Variants in TMPRSS6 observed in about 807,000 individuals in gnomAD.
The protein encoded by TMPRSS6 is transmembrane protease serine 6.
A neutral mutation model predicts 101.5 loss-of-function variants in TMPRSS6; 67 were observed. The observed-to-expected ratio is 0.66, with a 90% CI of 0.54 to 0.81. The LOEUF (loss-of-function observed/expected upper bound fraction) is 0.81. Ranked by LOEUF, TMPRSS6 falls within the 30% of genes least tolerant of loss-of-function variation. The pLI, the probability that TMPRSS6 is intolerant of heterozygous loss-of-function variation, is 0.00. For synonymous variants in TMPRSS6, 453 were observed against 464.9 expected, an observed-to-expected ratio of 0.97 and a Z score of 0.33; for missense variants, 1,034 against 1,088.7, an observed-to-expected ratio of 0.95 and a Z score of 0.71.
intron 13 of TMPRSS6, among the ~76,000 whole-genome samples, chr22:37,072,620 GATGGATGGATGGATGATGGACGGATGGAT>G (rs1568999589): frequency 3.7e-4 from 47 of 127,560 alleles, no homozygotes; most frequent in South Asian, 7.8e-4. Context: ...GATGATGGAC[GATGGATGGATGGATGATGGACGGATGGAT>G]GATGGATGGA....
rs577160506 is a variant in TMPRSS6, at chr22:37,082,958, G to A, written c.1196+1337C>T. 2.2e-3 allele frequency: 1,053 copies of A among 470,436 alleles called. 12 individuals are homozygous for A. The highest frequency in any genetic ancestry group is 0.016 in the South Asian group (1,035 of 64,366). 29.1% of individuals were successfully genotyped at this position (470,436 alleles called of 1,614,324 possible). On this transcript the variant is annotated intron_variant, in intron 10 of 17. Transcript: ENST00000676104. ...TTGTCTGGATGATCCTTTTGAATAGGATCAGCCAACAAGCAAATTACAAGT... is the reference window on the plus strand; with the variant it reads ...TTGTCTGGATGATCCTTTTGAATAGAATCAGCCAACAAGCAAATTACAAGT...
chr22:37,099,110 T>C (rs1303037063), intron 2 of TMPRSS6, among the ~76,000 whole-genome samples: 3 of 152,186 alleles, frequency 2.0e-5, no homozygotes, highest in African/African-American at 4.8e-5. Context: ...CAGTGCCACA[T>C]GGTGCTGTTG....
At chr22:37,107,378 CTT>C (rs1350807279) in intron 1 of TMPRSS6, among the ~76,000 whole-genome samples, 1 of 152,102 alleles carries the variant, frequency 6.6e-6, no homozygotes, top group Non-Finnish European at 1.5e-5. Context: ...CGGTGCCACT[CTT>C]GTCTTTACTA....
chr22:37,076,028 GAGAA>G (rs72294405), intron 10 of TMPRSS6, among the ~76,000 whole-genome samples: 8,252 of 148,712 alleles, frequency 0.055, 770 homozygotes, highest in African/African-American at 0.19. Context: ...GAAAGAGAAA[GAGAA>G]AGAAAGAAAG....
At chr22:37,108,487 C>T (rs145905374) in intron 1 of TMPRSS6, among the ~76,000 whole-genome samples, 4 of 152,190 alleles carry the variant, frequency 2.6e-5, no homozygotes, top group Non-Finnish European at 5.9e-5. Flanking sequence ...CTCTGAGCAC[C>T]ATGGACCCCA....
In TMPRSS6 at chr22:37,103,872, C is replaced by T. The variant is rs374301662; in HGVS notation, c.-1-454G>A. Among the ~76,000 whole-genome samples, 33 of 152,260 alleles carry T rather than the reference C, an allele frequency of 2.2e-4. No homozygotes were observed. The highest frequency in any genetic ancestry group is 6.3e-4 in the African/African-American group (26 of 41,544). ...TTCTGGTTCACGGAGCTTCCCACCA[C>T]GCCCACACAGTCCATGCACTTAGCC... On this transcript the variant is annotated intron_variant, in intron 1 of 17. Coordinates refer to ENST00000676104, the MANE Select transcript of TMPRSS6 (RefSeq NM_001374504.1). The surrounding 1 kb of genome is among the most constrained non-coding windows in gnomAD (Gnocchi z 4.4).
intron 10 of TMPRSS6, among the ~76,000 whole-genome samples, chr22:37,077,424 C>T (rs1223255846): frequency 1.3e-5 from 2 of 152,224 alleles, no homozygotes; most frequent in Non-Finnish European, 2.9e-5. Flanking sequence ...ACGATCTTAC[C>T]CTTACACCAA....
At chr22:37,107,654 A>G (rs572659083) in intron 1 of TMPRSS6, among the ~76,000 whole-genome samples, 2 of 151,850 alleles carry the variant, frequency 1.3e-5, no homozygotes, top group South Asian at 4.2e-4. Context: ...CCATCCACCT[A>G]GAACACAGTC....
chr22:37,085,251 G>A (rs916550599), intron 8 of TMPRSS6, among the ~76,000 whole-genome samples: 1 of 152,134 alleles, frequency 6.6e-6, no homozygotes, highest in Non-Finnish European at 1.5e-5. Flanking sequence ...AGGCTACACC[G>A]TGAGAGGCTG....
rs1930288906 is a variant in TMPRSS6 at position 37,101,238 on chromosome 22, C to T, written c.202+1978G>A. 6.6e-6 allele frequency among the ~76,000 whole-genome samples: 1 copy of T among 151,952 alleles called. No homozygotes were observed. Among genetic ancestry groups the T allele is most frequent in the Non-Finnish European group, 1.5e-5 (1 of 67,970 alleles). On this transcript the variant is annotated intron_variant, in intron 2 of 17. Transcript: ENST00000676104. This position sits in a 1 kb window ranked among gnomAD's most constrained non-coding sequence, Gnocchi z 4.1. ...TGATGCAGCTGGGAGGGCAGGTGGGCCAACATATATGGGGCTTCTCTTCTA... is the reference window on the plus strand; with the variant it reads ...TGATGCAGCTGGGAGGGCAGGTGGGTCAACATATATGGGGCTTCTCTTCTA...
rs1314882886 is a variant in TMPRSS6 at position 37,065,716 on chromosome 22, GTACA to G, written c.*360_*363del. 2 of 329,390 alleles carry G rather than the reference GTACA, an allele frequency of 6.1e-6. No individual in the cohort carries two copies. The highest frequency in any genetic ancestry group is 4.2e-5 in the African/African-American group (2 of 47,286). 20.4% of individuals were successfully genotyped at this position (329,390 alleles called of 1,614,324 possible). A position where few individuals can be genotyped will look rare whatever the true frequency, so the allele number is the denominator to read the frequency against. On this transcript the variant is annotated 3_prime_UTR_variant, in exon 18 of 18. Coordinates refer to ENST00000676104, the MANE Select transcript of TMPRSS6 (RefSeq NM_001374504.1). ...AGGCAAGGCTGCCCAAACAGCCTCT[GTACA>G]GAGTGGGGCGCACCTCAGACACTCC...
Position 37,103,724 on chromosome 22 carries a change from C to A in TMPRSS6, c.-1-306G>T. On this transcript the variant is annotated intron_variant, in intron 1 of 17. Coordinates refer to ENST00000676104, the MANE Select transcript of TMPRSS6 (RefSeq NM_001374504.1). The surrounding 1 kb of genome is among the most constrained non-coding windows in gnomAD (Gnocchi z 4.4). ...GACGGAGGTCTCAGTACCTAAACACCCACCTCCCTAGAGGCTGCACCCACA... is the reference window on the plus strand; with the variant it reads ...GACGGAGGTCTCAGTACCTAAACACACACCTCCCTAGAGGCTGCACCCACA... 1.3e-6 allele frequency: 1 copy of A among 785,320 alleles called. No individual in the cohort carries two copies. 48.6% of individuals were successfully genotyped at this position (785,320 alleles called of 1,614,324 possible).
Position 37,075,248 on chromosome 22 carries a change from G to A in TMPRSS6, c.1229C>T (p.Ala410Val), listed in dbSNP as rs1927525107. The A allele has an allele frequency of 6.2e-7, 1 of 1,613,682 alleles. No homozygotes were observed. The highest frequency in any genetic ancestry group is 1.3e-5 in the African/African-American group (1 of 75,048). ...CGTGGCCACCACGGGGATCCTCTCG[G>A]CGTAGGGCTGCAGGATGCGCAAGCC... Reference protein sequence around the residue: ...LCGLRILQPYAERIPVVATAG... With the variant: ...LCGLRILQPYVERIPVVATAG... The change falls in exon 11 of 18, where the codon GCC becomes GTC. Residue 410 changes from alanine (A) to valine (V), a missense_variant. By Grantham distance (64) the Ala-to-Val change is moderately conservative. Coordinates refer to ENST00000676104, the MANE Select transcript of TMPRSS6 (RefSeq NM_001374504.1).
intron 6 of TMPRSS6, among the ~76,000 whole-genome samples, chr22:37,091,489 C>T (rs4328728): frequency 0.46 from 70,555 of 151,766 alleles, 17,012 homozygotes; most frequent in African/African-American, 0.59. Context: ...AGGGGCACTA[C>T]CCTCCCCACC....
In TMPRSS6 at chr22:37,089,627, G is replaced by T; in HGVS notation, c.787C>A (p.Leu263Met). ...GGCCCGGCCACGTCATACATGGCCA[G>T]TCGGTCCCGGCACTCTGCCAGCGTC... is the stretch of plus-strand genomic sequence containing the variant. ...EWTLAECRDR[L>M]AMYDVAGPLE... The change falls in exon 7 of 18, where the codon CTG (leucine) becomes ATG (methionine). Residue 263 changes from leucine to methionine, a missense_variant. Physicochemically the swap from Leu to Met is conservative, Grantham distance 15 (BLOSUM62 2). Transcript: ENST00000676104. 6.4e-7 allele frequency: 1 copy of T among 1,562,260 alleles called. No homozygotes were observed. The highest frequency in any genetic ancestry group is 8.7e-7 in the Non-Finnish European group (1 of 1,148,944).
chr22:37,074,658 A>G lies in TMPRSS6; in HGVS notation c.1393T>C (p.Cys465Arg). 1 of 1,614,192 alleles carries G rather than the reference A, an allele frequency of 6.2e-7. No homozygotes were observed. The highest frequency in any genetic ancestry group is 8.5e-7 in the Non-Finnish European group (1 of 1,180,020). ...TTGGGGCAGTCCTTGACCCCATCAC[A>G]GGCAGGGACACAGAGTCCATTCACA... ...CSVNGLCVPA[C>R]DGVKDCPNGL... Residue 465 changes from cysteine (C) to arginine (R), a missense_variant, in exon 12 of 18, where the codon TGT becomes CGT. Cys to Arg is a radical substitution (Grantham distance 180). Coordinates refer to ENST00000676104, the MANE Select transcript of TMPRSS6 (RefSeq NM_001374504.1).
At position 37,084,726 on chromosome 22, in the gene TMPRSS6, C is replaced by T. The variant is rs1481491368; in HGVS notation, c.1086+1G>A. The T allele has an allele frequency of 6.4e-7, 1 of 1,558,868 alleles. No homozygotes were observed. Among genetic ancestry groups the T allele is most frequent in the Non-Finnish European group, 8.7e-7 (1 of 1,151,308 alleles). Reference sequence around the variant, plus strand: ...GGTGGGCAGGCAGGGTGGGGTCTCACCGTGAGGTGCCAGGAGCAGTGGGTT... The same window carrying T: ...GGTGGGCAGGCAGGGTGGGGTCTCATCGTGAGGTGCCAGGAGCAGTGGGTT... On this transcript the variant is annotated splice_donor_variant, in intron 9 of 17. Coordinates refer to ENST00000676104, the MANE Select transcript of TMPRSS6 (RefSeq NM_001374504.1). LOFTEE classifies it high-confidence loss of function.
rs1926192930 is a variant in TMPRSS6, at chr22:37,065,558, C to G, written c.*522G>C. On this transcript the variant is annotated 3_prime_UTR_variant, in exon 18 of 18. Coordinates refer to ENST00000676104, the MANE Select transcript of TMPRSS6 (RefSeq NM_001374504.1). ...GACCCTGGAGTCAGGACTTCCCCAC[C>G]TTTTGGCTTACAGTGGCAGCAGGCC... The G allele has an allele frequency of 6.2e-6, 1 of 161,344 alleles. No individual in the cohort carries two copies. 10.0% of individuals were successfully genotyped at this position (161,344 alleles called of 1,614,324 possible).
Position 37,070,981 on chromosome 22 carries a change from T to C in TMPRSS6, c.1607A>G (p.Lys536Arg). The change falls in exon 14 of 18, where the codon AAG becomes AGG. Residue 536 changes from lysine (K) to arginine (R), a missense_variant. By Grantham distance (26) the Lys-to-Arg change is conservative (BLOSUM62 2). Coordinates refer to ENST00000676104, the MANE Select transcript of TMPRSS6 (RefSeq NM_001374504.1). ...CCCATCACACTGCGGGTTGGGCTTCTTCACGCAGCTCCGGTCCTCACACTG... is the reference window on the plus strand; with the variant it reads ...CCCATCACACTGCGGGTTGGGCTTCCTCACGCAGCTCCGGTCCTCACACTG... ...TFQCEDRSCV[K>R]KPNPQCDGRP... 1 of 1,613,158 alleles carries C rather than the reference T, an allele frequency of 6.2e-7. No individual in the cohort carries two copies. Among genetic ancestry groups the C allele is most frequent in the Non-Finnish European group, 8.5e-7 (1 of 1,179,908 alleles).
Sources: gnomAD v4.1 joint callset for allele counts (sites outside exome capture counted in the v4.1 genomes callset) on GRCh38, gnomAD v4.1.1 for gene constraint, Gnocchi (gnomAD v3.1) non-coding constraint, MANE v1.5 for transcripts, NCBI Gene and HGNC (gene_info 2026-07-23, HGNC 2026-07-21) for gene names.